The following NEBL variants were observed in gnomAD, a reference collection of about 807,000 sequenced individuals.
NEBL encodes LIM and SH3 protein 2.
NEBL carries 122 observed loss-of-function variants against 140.2 expected under a neutral mutation model. The ratio of observed to expected loss-of-function variants is 0.87; its 90% confidence interval spans 0.75 to 1.01. The LOEUF (loss-of-function observed/expected upper bound fraction) is 1.01, where lower values mean the gene tolerates loss of function less well. NEBL is among the 50% of genes least tolerant of loss of function. The pLI is 0.00. For missense variants in NEBL, 1,365 were observed against 1,231.3 expected (o/e 1.11, Z -1.62); for synonymous variants, 436 against 398.9 (o/e 1.09, Z -1.11).
At chr10:20,872,175 G>A (rs1845012927) in intron 5 of NEBL, among the ~76,000 whole-genome samples, 1 of 152,112 alleles carries the variant, frequency 6.6e-6, no homozygotes, top group Non-Finnish European at 1.5e-5. Context: ...GTGAAGAGAG[G>A]TGAACGGCAC....
chr10:20,933,206 G>C lies in NEBL; in HGVS notation c.357+28466C>G, dbSNP rs376852606. ...TTCACCATTTGCATCAGTCCCTCCT[G>C]ACCCAAAAACTAATTAAGCCCTTTT... On this transcript the variant is annotated intron_variant, in intron 4 of 6. Coordinates refer to the NEBL transcript ENST00000417816. 1.8e-4 allele frequency among the ~76,000 whole-genome samples: 28 copies of C among 152,210 alleles called. 1 individual carries two copies. The highest frequency in any genetic ancestry group is 6.7e-4 in the African/African-American group (28 of 41,536).
At chr10:20,956,974 A>G (rs1038597880) in intron 4 of NEBL, among the ~76,000 whole-genome samples, 4 of 152,150 alleles carry the variant, frequency 2.6e-5, no homozygotes, top group African/African-American at 9.7e-5. Context: ...TCTTCTGTCC[A>G]CCATACAACT....
At chr10:21,125,841 C>T (rs1838800071) in intron 2 of NEBL, 2 of 1,610,762 alleles carry the variant, frequency 1.2e-6, no homozygotes, top group East Asian at 2.2e-5. Flanking sequence ...AAGTCATTTT[C>T]AGCACCTTCT....
intron 3 of NEBL, among the ~76,000 whole-genome samples, chr10:20,991,237 A>T (rs1837442642): frequency 6.6e-6 from 1 of 152,154 alleles, no homozygotes; most frequent in Non-Finnish European, 1.5e-5. Flanking sequence ...GAGATTTTTT[A>T]CAGTACATTT....
chr10:20,884,485 T>C lies in NEBL; in HGVS notation c.370-3581A>G, dbSNP rs1000474728. ...AATTAAAGTTTACTGGCCAAGGAGGTCAAGTATGCAAATTAAAATAATGGC... is the reference window on the plus strand; with the variant it reads ...AATTAAAGTTTACTGGCCAAGGAGGCCAAGTATGCAAATTAAAATAATGGC... On this transcript the variant is annotated intron_variant, in intron 4 of 27. Coordinates refer to ENST00000377122, the MANE Select transcript of NEBL (RefSeq NM_006393.3). 5.3e-5 allele frequency among the ~76,000 whole-genome samples: 8 copies of C among 152,202 alleles called. No homozygotes were observed. In the East Asian group the frequency reaches 1.4e-3, roughly 26 times the overall value.
intron 4 of NEBL, among the ~76,000 whole-genome samples, chr10:20,938,659 C>T (rs1834653710): frequency 6.6e-6 from 1 of 151,960 alleles, no homozygotes; most frequent in Admixed American, 6.6e-5. Flanking sequence ...GGAGGAAGTT[C>T]GAACCCATGG....
intron 3 of NEBL, among the ~76,000 whole-genome samples, chr10:21,004,446 C>T (rs932526510): frequency 3.9e-5 from 6 of 152,086 alleles, no homozygotes; most frequent in Admixed American, 1.3e-4. Flanking sequence ...CTGGGCCGGG[C>T]ACGGTGGCTC....
chr10:21,267,090 T>G (rs1435695748), intron 1 of NEBL, among the ~76,000 whole-genome samples: 1 of 152,138 alleles, frequency 6.6e-6, no homozygotes, highest in East Asian at 1.9e-4. Context: ...TTCTCCTGCC[T>G]CAGCCTCCCG....
chr10:21,132,498 T>C (rs1360143153), intron 2 of NEBL, among the ~76,000 whole-genome samples: 1 of 152,220 alleles, frequency 6.6e-6, no homozygotes, highest in African/African-American at 2.4e-5. Context: ...CTTGGATATA[T>C]ACCAAGAAGT....
chr10:20,914,318 T>C (rs114803934), intron 4 of NEBL, among the ~76,000 whole-genome samples: 5 of 152,184 alleles, frequency 3.3e-5, no homozygotes, highest in African/African-American at 9.6e-5. Flanking sequence ...ACAAGAGCCA[T>C]AGAAACCTTA....
intron 1 of NEBL, among the ~76,000 whole-genome samples, chr10:21,288,849 T>TATATATATATATATATATAA (rs1216184030): frequency 1.1e-5 from 1 of 88,898 alleles, no homozygotes; most frequent in Admixed American, 1.4e-4. Context: ...TATATATATA[T>TATATATATATATATATATAA]AAAAATTTTT....
intron 3 of NEBL, among the ~76,000 whole-genome samples, chr10:21,214,482 C>T (rs1280922867): frequency 6.6e-6 from 1 of 151,122 alleles, no homozygotes; most frequent in Non-Finnish European, 1.5e-5. Flanking sequence ...CATGCACACA[C>T]ACGCGCACAT....
chr10:20,965,444 C>T (rs1836263418), intron 3 of NEBL, among the ~76,000 whole-genome samples: 1 of 152,116 alleles, frequency 6.6e-6, no homozygotes, highest in South Asian at 2.1e-4. Flanking sequence ...AGACTTCTTC[C>T]AGGAGAGCTA....
At chr10:21,234,871 A>G (rs1842327735) in intron 3 of NEBL, among the ~76,000 whole-genome samples, 1 of 152,236 alleles carries the variant, frequency 6.6e-6, no homozygotes, top group Non-Finnish European at 1.5e-5. Flanking sequence ...TATATGGAAC[A>G]GCTGGTTTCC....
At chr10:21,216,944 C>T (rs1052358119) in intron 3 of NEBL, among the ~76,000 whole-genome samples, 36 of 151,758 alleles carry the variant, frequency 2.4e-4, no homozygotes, top group African/African-American at 7.7e-4. Context: ...GCCAAGATCG[C>T]GCCACTGCAC....
intron 3 of NEBL, among the ~76,000 whole-genome samples, chr10:20,984,105 A>T (rs1837158418): frequency 7.3e-6 from 1 of 137,148 alleles, no homozygotes; most frequent in Non-Finnish European, 1.5e-5. Flanking sequence ...ACATCCAAAA[A>T]TCCAACAGAA....
At chr10:21,193,516 C>T (rs1322071885) in intron 3 of NEBL, among the ~76,000 whole-genome samples, 1 of 152,188 alleles carries the variant, frequency 6.6e-6, no homozygotes, top group Non-Finnish European at 1.5e-5. Flanking sequence ...TGTACAAACA[C>T]TATTTCAAGC....
intron 23 of NEBL, 38 bp downstream of exon 23, chr10:20,813,901 C>A (rs1838421255): frequency 7.6e-7 from 1 of 1,316,050 alleles, no homozygotes; most frequent in Non-Finnish European, 1.1e-6. Flanking sequence ...TCCGCCCATT[C>A]CTTAGCATGT....
chr10:21,257,137 G>T (rs1842667843), intron 1 of NEBL, among the ~76,000 whole-genome samples: 1 of 152,172 alleles, frequency 6.6e-6, no homozygotes, highest in South Asian at 2.1e-4. Flanking sequence ...TCTATTGAGT[G>T]TTTTATATTA....
Sources: allele counts gnomAD v4.1 joint callset (sites outside exome capture counted in the v4.1 genomes callset), GRCh38; gene constraint gnomAD v4.1.1; transcripts MANE v1.5; gene names NCBI Gene and HGNC (gene_info 2026-07-23, HGNC 2026-07-21).